Variants in TMEM254 observed in about 807,000 individuals in gnomAD.
The protein encoded by TMEM254 is transmembrane protein 254.
TMEM254 carries 16 observed loss-of-function variants against 13.9 expected under a neutral mutation model. The ratio of observed to expected loss-of-function variants is 1.15; its 90% CI spans 0.78 to 1.75. TMEM254 has a LOEUF of 1.75. Among genes scored for constraint, TMEM254 ranks in the 40% most tolerant of loss-of-function variants. TMEM254 has a pLI of 0.00. For synonymous variants in TMEM254, 61 were observed against 56.4 expected (o/e 1.08, Z -0.36); for missense variants, 155 against 149.0 (o/e 1.04, Z -0.21).
chr10:80,090,212 T>A (rs1844513956), intron 3 of TMEM254, among the ~76,000 whole-genome samples: 1 of 152,062 alleles, frequency 6.6e-6, no homozygotes, highest in South Asian at 2.1e-4. Context: ...TTCCATTGGG[T>A]CATCTTTTTT....
chr10:80,081,572 G>A, intron 1 of TMEM254: 2 of 974,418 alleles, frequency 2.1e-6, no homozygotes, highest in Admixed American at 5.0e-5. Flanking sequence ...GGAGGCTGAG[G>A]TGGGAGGATG....
intron 1 of TMEM254, among the ~76,000 whole-genome samples, chr10:80,080,654 G>A (rs138102472): frequency 3.3e-5 from 5 of 152,260 alleles, no homozygotes; most frequent in African/African-American, 1.2e-4. Context: ...ATTAATAGGA[G>A]TCAGCCAGGC....
chr10:80,083,329 C>T (rs1189514230), intron 3 of TMEM254, among the ~76,000 whole-genome samples: 2 of 152,136 alleles, frequency 1.3e-5, no homozygotes, highest in Non-Finnish European at 2.9e-5. Flanking sequence ...GTCCCGAACT[C>T]CTGACCTCTC....
rs546991441 is a variant in TMEM254 at position 80,083,680 on chromosome 10, T to C, written c.251+1476T>C. Among the ~76,000 whole-genome samples, 8 of 152,288 alleles carry C rather than the reference T, an allele frequency of 5.3e-5. 1 individual carries two copies. The South Asian group carries it at 1.7e-3, about 32-fold the overall frequency. On this transcript the variant is annotated intron_variant, in intron 3 of 3. Coordinates refer to ENST00000372281, the MANE Select transcript of TMEM254 (RefSeq NM_025125.4). Reference sequence around the variant, plus strand: ...GCAGTGGGGAGAAGGGTGCAGTTGATATCTTCTCTTGCACTTCACCTTCTC... The same window carrying C: ...GCAGTGGGGAGAAGGGTGCAGTTGACATCTTCTCTTGCACTTCACCTTCTC...
chr10:80,081,594 G>T, intron 1 of TMEM254: 1 of 1,245,872 alleles, frequency 8.0e-7, no homozygotes, highest in Non-Finnish European at 1.1e-6. Context: ...ATTGAGCCCA[G>T]ATGGTGGAGG....
Position 80,090,947 on chromosome 10 carries a change from A to G in TMEM254, c.*30A>G. 6.2e-7 allele frequency: 1 copy of G among 1,610,524 alleles called. No individual in the cohort carries two copies. Among genetic ancestry groups the G allele is most frequent in the Non-Finnish European group, 8.5e-7 (1 of 1,178,894 alleles). On this transcript the variant is annotated 3_prime_UTR_variant, in exon 4 of 4. Transcript: ENST00000372281. ...GTCTGAAAGCTTGCTCTACACTTTT[A>G]CATTCATCCTCACCCTTTTTTTTGT...
chr10:80,091,098 A>C lies in TMEM254; in HGVS notation c.*181A>C, dbSNP rs1844559629. On this transcript the variant is annotated 3_prime_UTR_variant, in exon 4 of 4. Coordinates refer to ENST00000372281, the MANE Select transcript of TMEM254 (RefSeq NM_025125.4). Reference sequence around the variant, plus strand: ...TTATATGCTCTGGTTGAGCTTGAATAGACCAGTTGTTACTTAAGAAAGAAA... The same window carrying C: ...TTATATGCTCTGGTTGAGCTTGAATCGACCAGTTGTTACTTAAGAAAGAAA... The C allele has an allele frequency of 1.6e-6, 1 of 633,582 alleles. No homozygotes were observed. Among genetic ancestry groups the C allele is most frequent in the African/African-American group, 1.9e-5 (1 of 53,246 alleles). The allele number at this position is 633,582 out of a possible 1,614,324, so 39.2% of individuals were successfully genotyped here.
intron 1 of TMEM254, among the ~76,000 whole-genome samples, chr10:80,080,240 G>A (rs1006366629): frequency 3.9e-5 from 6 of 152,182 alleles, no homozygotes; most frequent in Non-Finnish European, 8.8e-5. Context: ...AGTGATATTT[G>A]TGCATTATTT....
intron 3 of TMEM254, among the ~76,000 whole-genome samples, chr10:80,084,693 G>A (rs74655940): frequency 0.032 from 4,913 of 152,234 alleles, 100 homozygotes; most frequent in South Asian, 0.058. Flanking sequence ...CAGCATCGCA[G>A]TAGAATCTCA....
Position 80,092,081 on chromosome 10 carries a change from G to A in TMEM254, c.*1164G>A, listed in dbSNP as rs1235865898. The A allele has an allele frequency of 6.6e-6, 1 of 152,168 alleles. No individual in the cohort carries two copies. The highest frequency in any genetic ancestry group is 1.9e-4 in the East Asian group (1 of 5,194). The allele number at this position is 152,168 out of a possible 1,614,324, so 9.4% of individuals were successfully genotyped here. A position where few individuals can be genotyped will look rare whatever the true frequency, so the allele number is the denominator to read the frequency against. Reference sequence around the variant, plus strand: ...ATACTTTATTATTGCTCACAGGCTGGGGAGGCAGAATGACTCTGTCACCAC... The same window carrying A: ...ATACTTTATTATTGCTCACAGGCTGAGGAGGCAGAATGACTCTGTCACCAC... On this transcript the variant is annotated 3_prime_UTR_variant, in exon 4 of 4. Transcript: ENST00000372281.
chr10:80,080,032 A>C (rs1843900327), intron 1 of TMEM254, among the ~76,000 whole-genome samples: 1 of 152,250 alleles, frequency 6.6e-6, no homozygotes, highest in African/African-American at 2.4e-5. Context: ...TTGGTGTCAA[A>C]TCTGACAACC....
intron 3 of TMEM254, among the ~76,000 whole-genome samples, chr10:80,084,951 A>T (rs1844237299): frequency 6.6e-6 from 1 of 151,752 alleles, no homozygotes; most frequent in African/African-American, 2.4e-5. Flanking sequence ...TCAGCCTCCC[A>T]AGTAGCTGAG....
intron 3 of TMEM254, among the ~76,000 whole-genome samples, chr10:80,089,672 C>A (rs1844479313): frequency 7.8e-6 from 1 of 127,488 alleles, no homozygotes; most frequent in Non-Finnish European, 1.8e-5. Flanking sequence ...AGTGAGACCC[C>A]ATCTCTGGGG....
chr10:80,091,652 C>G lies in TMEM254; in HGVS notation c.*735C>G, dbSNP rs1677592459. 6.6e-6 allele frequency: 1 copy of G among 152,340 alleles called. No individual in the cohort carries two copies. 9.4% of individuals were successfully genotyped at this position (152,340 alleles called of 1,614,324 possible). A position where few individuals can be genotyped will look rare whatever the true frequency, so the allele number is the denominator to read the frequency against. On this transcript the variant is annotated 3_prime_UTR_variant, in exon 4 of 4. Coordinates refer to ENST00000372281, the MANE Select transcript of TMEM254 (RefSeq NM_025125.4). ...GGCCTGATGGCACTGCTAGATTGCTCCTTCAGCTCAGGGCCACAGCTTAAA... is the reference window on the plus strand; with the variant it reads ...GGCCTGATGGCACTGCTAGATTGCTGCTTCAGCTCAGGGCCACAGCTTAAA...
At chr10:80,081,710 C>G in intron 1 of TMEM254, 131 bp from the exon 2 acceptor site, 1 of 1,607,546 alleles carries the variant, frequency 6.2e-7, no homozygotes. Flanking sequence ...AATGGAGACC[C>G]AAATGACTGT....
chr10:80,090,531 T>A (rs1321248193), intron 3 of TMEM254: 3 of 696,262 alleles, frequency 4.3e-6, no homozygotes, highest in Non-Finnish European at 8.0e-6. Context: ...CAGAATCACA[T>A]GAGAAACAGT....
chr10:80,087,147 A>G (rs1003397826), intron 3 of TMEM254, among the ~76,000 whole-genome samples: 1 of 152,118 alleles, frequency 6.6e-6, no homozygotes, highest in East Asian at 1.9e-4. Flanking sequence ...TTACCCATCC[A>G]TTAATAACAG....
Position 80,091,910 on chromosome 10 carries a change from A to G in TMEM254, c.*993A>G, listed in dbSNP as rs1844587036. 1 of 152,162 alleles carries G rather than the reference A, an allele frequency of 6.6e-6. No homozygotes were observed. The highest frequency in any genetic ancestry group is 2.4e-5 in the African/African-American group (1 of 41,460). 9.4% of individuals were successfully genotyped at this position (152,162 alleles called of 1,614,324 possible). A position where few individuals can be genotyped will look rare whatever the true frequency, so the allele number is the denominator to read the frequency against. On this transcript the variant is annotated 3_prime_UTR_variant, in exon 4 of 4. Transcript: ENST00000372281. ...GTGGTTTCGTTGGTGAGAAACCTTT[A>G]TCTTTTTCATACCTTTCTATTCTCA...
chr10:80,081,029 G>A (rs940448549), intron 1 of TMEM254, among the ~76,000 whole-genome samples: 3 of 152,294 alleles, frequency 2.0e-5, no homozygotes, highest in South Asian at 2.1e-4. Flanking sequence ...ACAGAGAGCC[G>A]AGATCGTGCC....
Sources: gnomAD v4.1 joint callset for allele counts (sites outside exome capture counted in the v4.1 genomes callset) on GRCh38, gnomAD v4.1.1 for gene constraint, MANE v1.5 for transcripts, NCBI Gene and HGNC (gene_info 2026-07-23, HGNC 2026-07-21) for gene names.